The following ADAM19 variants were observed in gnomAD, a reference collection of about 807,000 sequenced individuals.
ADAM19 encodes the protein ADAM metallopeptidase domain 19.
A neutral mutation model predicts 114.7 loss-of-function variants in ADAM19; 65 were observed. The ratio of observed to expected loss-of-function variants is 0.57; its 90% CI spans 0.46 to 0.70. The LOEUF (loss-of-function observed/expected upper bound fraction) is 0.70, where lower values mean the gene tolerates loss of function less well. Ranked by LOEUF, ADAM19 falls within the 30% of genes least tolerant of loss-of-function variation. The probability of loss-of-function intolerance (pLI) is 0.00; values close to 1 mark genes in which losing one functional copy is unlikely to be tolerated. For synonymous variants in ADAM19, 466 were observed against 460.5 expected, an observed-to-expected ratio of 1.01 and a Z score of -0.15; for missense variants, 1,063 against 1,204.7, an observed-to-expected ratio of 0.88 and a Z score of 1.74.
intron 5 of ADAM19, among the ~76,000 whole-genome samples, chr5:157,523,763 G>T (rs1345003380): frequency 6.6e-6 from 1 of 152,040 alleles, no homozygotes; most frequent in African/African-American, 2.4e-5. Flanking sequence ...CTAATACAGG[G>T]CCCAACCTAA....
intron 3 of ADAM19, among the ~76,000 whole-genome samples, chr5:157,563,565 C>T (rs1228580211): frequency 1.3e-5 from 2 of 152,194 alleles, no homozygotes; most frequent in African/African-American, 2.4e-5. Flanking sequence ...GGCAGCTCTC[C>T]AAGCCACGCA....
intron 21 of ADAM19, among the ~76,000 whole-genome samples, chr5:157,484,158 C>A (rs1754852937): frequency 6.6e-6 from 1 of 152,112 alleles, no homozygotes; most frequent in Non-Finnish European, 1.5e-5. Context: ...ATTACAACAG[C>A]CCCCACCCTG....
chr5:157,548,126 C>T (rs1757098100), intron 3 of ADAM19, among the ~76,000 whole-genome samples: 1 of 152,140 alleles, frequency 6.6e-6, no homozygotes, highest in African/African-American at 2.4e-5. Flanking sequence ...GCCAACTCTG[C>T]CACACTCTCC....
Position 157,556,216 on chromosome 5 carries a change from T to C in ADAM19, c.251+8157A>G, listed in dbSNP as rs139299773. Among the ~76,000 whole-genome samples the C allele has an allele frequency of 3.6e-3, 389 of 109,048 alleles. 6 individuals carry two copies. Among genetic ancestry groups the C allele is most frequent in the Middle Eastern group, 9.8e-3 (2 of 204 alleles). The allele number at this position is 109,048 out of a possible 152,430, so 71.5% of individuals were successfully genotyped here. On this transcript the variant is annotated intron_variant, in intron 3 of 22. Coordinates refer to ENST00000257527, the MANE Select transcript of ADAM19 (RefSeq NM_033274.5). ...CTGTTTTTTTTTCTTTTTCTTTTTT[T>C]TTTTTTTTTTTTTTTTTTTTGAGAT...
At chr5:157,544,127 A>C (rs914001027) in intron 3 of ADAM19, among the ~76,000 whole-genome samples, 1 of 152,184 alleles carries the variant, frequency 6.6e-6, no homozygotes, top group African/African-American at 2.4e-5. Flanking sequence ...AGAAAGGCGA[A>C]GGAAGGGGGA....
intron 3 of ADAM19, 104 bp downstream of exon 3, chr5:157,564,268 TG>T (rs1744771015): frequency 9.8e-7 from 1 of 1,024,292 alleles, no homozygotes; most frequent in Non-Finnish European, 1.5e-6. Context: ...ACTGAGAGCT[TG>T]GGGTCACTCC....
rs939579577 is a variant in ADAM19, at chr5:157,491,640, G to C, written c.2070C>G (p.Ile690Met). The C allele has an allele frequency of 6.5e-7, 1 of 1,543,782 alleles. No individual in the cohort carries two copies. The highest frequency in any genetic ancestry group is 1.3e-5 in the South Asian group (1 of 79,402). Residue 690 changes from isoleucine (I) to methionine (M), a missense_variant, in exon 18 of 23, where the codon ATC becomes ATG. Physicochemically the swap from Ile to Met is conservative, Grantham distance 10. Coordinates refer to ENST00000257527, the MANE Select transcript of ADAM19 (RefSeq NM_033274.5). ...TCTCAGGGGGCATAGGCCCACTGTC[G>C]ATACTGCCCCCGTGGCCCGGTGTGT... ...FCNTPGHGGS[I>M]DSGPMPPESV...
At chr5:157,517,703 T>C (rs905793709) in intron 7 of ADAM19, among the ~76,000 whole-genome samples, 4 of 152,214 alleles carry the variant, frequency 2.6e-5, no homozygotes, top group African/African-American at 7.2e-5. Context: ...TTGAGATCTA[T>C]ATATCCAGGT....
At chr5:157,549,176 C>G (rs1326851876) in intron 3 of ADAM19, among the ~76,000 whole-genome samples, 5 of 152,164 alleles carry the variant, frequency 3.3e-5, no homozygotes, top group Admixed American at 6.5e-5. Context: ...AAGTGCACTT[C>G]AAGTATGTTT....
At position 157,499,598 on chromosome 5, in the gene ADAM19, T is replaced by C. The variant is rs138848276; in HGVS notation, c.1373A>G (p.His458Arg). Reference protein sequence around the residue: ...CTLRPGAECAHGSCCHQCKLL... With the variant: ...CTLRPGAECARGSCCHQCKLL... ...CTTACACTGGTGGCAGCAGGAGCCGTGAGCACACTCCGCCCCCGGCCTCAG... is the reference window on the plus strand; with the variant it reads ...CTTACACTGGTGGCAGCAGGAGCCGCGAGCACACTCCGCCCCCGGCCTCAG... The change falls in exon 13 of 23, where the codon CAC (histidine) becomes CGC (arginine). Residue 458 changes from histidine (H) to arginine (R), a missense_variant. By Grantham distance (29) the His-to-Arg change is conservative. This residue lies in a region of ADAM19 where 615 missense variants were observed against 706.3 expected (regional missense o/e 0.87). Transcript: ENST00000257527. 497 of 1,613,452 alleles carry C rather than the reference T, an allele frequency of 3.1e-4. 3 individuals carry two copies. In the African/African-American group the frequency reaches 6.0e-3, roughly 20 times the overall value.
Position 157,492,953 on chromosome 5 carries a change from G to A in ADAM19, c.1908+20C>T. ...TCTGCTCTGCAGCTGGCTCCTAGGT[G>A]AGCAGGGGAGGGGACTCACATGGTT... On this transcript the variant is annotated intron_variant, in intron 16 of 22. Coordinates refer to ENST00000257527, the MANE Select transcript of ADAM19 (RefSeq NM_033274.5). 6.2e-7 allele frequency: 1 copy of A among 1,613,648 alleles called. No homozygotes were observed. The highest frequency in any genetic ancestry group is 8.5e-7 in the Non-Finnish European group (1 of 1,179,598).
At chr5:157,571,375 C>T (rs114451015) in intron 1 of ADAM19, among the ~76,000 whole-genome samples, 1,604 of 152,034 alleles carry the variant, frequency 0.011, 24 homozygotes, top group African/African-American at 0.037. Context: ...GGAAGAGTGC[C>T]CCAGGTAGAG....
chr5:157,561,503 T>C (rs1297189907), intron 3 of ADAM19, among the ~76,000 whole-genome samples: 1 of 152,196 alleles, frequency 6.6e-6, no homozygotes, highest in South Asian at 2.1e-4. Context: ...TCACCGCTCC[T>C]GGGAGACCTG....
chr5:157,538,103 C>A (rs1159006820), intron 3 of ADAM19, 112 bp from the exon 4 acceptor site: 3 of 740,730 alleles, frequency 4.1e-6, no homozygotes, highest in South Asian at 2.0e-5. Flanking sequence ...CATCTCCATA[C>A]AAAAGAAACT....
At chr5:157,521,230 C>T (rs571986807) in intron 5 of ADAM19, among the ~76,000 whole-genome samples, 1 of 152,178 alleles carries the variant, frequency 6.6e-6, no homozygotes, top group Non-Finnish European at 1.5e-5. Flanking sequence ...CAGCAGATAT[C>T]TGCCAACCTT....
At chr5:157,551,095 G>T (rs536179168) in intron 3 of ADAM19, among the ~76,000 whole-genome samples, 5 of 152,104 alleles carry the variant, frequency 3.3e-5, no homozygotes, top group African/African-American at 9.6e-5. Flanking sequence ...AAATCAAAAC[G>T]GATTAAAGAC....
chr5:157,501,807 G>C (rs1181173854), intron 12 of ADAM19, among the ~76,000 whole-genome samples: 1 of 152,044 alleles, frequency 6.6e-6, no homozygotes. Flanking sequence ...CTAGTGCTTT[G>C]GGAGGCCGAG....
rs569511696 is a variant in ADAM19 at position 157,491,585 on chromosome 5, G to A, written c.2095+30C>T. The stretch of plus-strand genomic sequence containing the variant: ...TGATGCCCGCTCTTCTCACAAAAGC[G>A]GGCAGTGGCCCCAGCAGGCTGGCAC... On this transcript the variant is annotated intron_variant, in intron 18 of 22. Coordinates refer to ENST00000257527, the MANE Select transcript of ADAM19 (RefSeq NM_033274.5). 1.8e-5 allele frequency: 26 copies of A among 1,423,144 alleles called. 1 individual carries two copies. In the Middle Eastern group the frequency reaches 7.9e-4, roughly 43 times the overall value. The allele number at this position is 1,423,144 out of a possible 1,614,324, so 88.2% of individuals were successfully genotyped here. A position where few individuals can be genotyped will look rare whatever the true frequency, so the allele number is the denominator to read the frequency against.
chr5:157,566,247 G>C (rs1216644817), intron 2 of ADAM19: 1 of 152,086 alleles, frequency 6.6e-6, no homozygotes, highest in African/African-American at 2.4e-5. Flanking sequence ...GCAACTTTAA[G>C]TAGTTGTTAA....
Sources: gnomAD v4.1 joint callset for allele counts (sites outside exome capture counted in the v4.1 genomes callset) on GRCh38, gnomAD v4.1.1 for gene constraint, gnomAD v4.1.1 regional missense constraint, MANE v1.5 for transcripts, NCBI Gene and HGNC (gene_info 2026-07-23, HGNC 2026-07-21) for gene names.